The following CNTRL variants were observed in gnomAD, a reference collection of about 807,000 sequenced individuals.
The protein encoded by CNTRL is centriolin.
A neutral mutation model predicts 303.7 loss-of-function variants in CNTRL; 233 were observed. That is an observed-to-expected ratio of 0.77 (90% confidence interval 0.69 to 0.86). The LOEUF (loss-of-function observed/expected upper bound fraction) is 0.86. Ranked by LOEUF, CNTRL falls within the 40% of genes least tolerant of loss-of-function variation. The pLI is 0.00. For missense variants in CNTRL, 2,524 were observed against 2,650.6 expected (o/e 0.95, Z 1.05); for synonymous variants, 900 against 922.2 (o/e 0.98, Z 0.44).
intron 2 of CNTRL, among the ~76,000 whole-genome samples, chr9:121,086,264 G>A (rs2048337797): frequency 6.6e-6 from 1 of 152,172 alleles, no homozygotes; most frequent in Non-Finnish European, 1.5e-5. Flanking sequence ...CTCTCGTGGA[G>A]CATACAGTTC....
chr9:121,107,841 T>C lies in CNTRL; in HGVS notation c.848T>C (p.Met283Thr), dbSNP rs867570634. ...ERLERDLEKK[M>T]IETEELKSKQ... is the part of the protein sequence containing the mutation. ...CTGGAAAGAGACCTAGAAAAAAAGA[T>C]GATAGAAACTGAAGAGCTTAAGAGC... The change falls in exon 8 of 44, where the codon ATG (methionine) becomes ACG (threonine). Residue 283 changes from methionine (M) to threonine (T), a missense_variant. Coordinates refer to ENST00000373855, the MANE Select transcript of CNTRL (RefSeq NM_007018.6). 5 of 1,591,352 alleles carry C rather than the reference T, an allele frequency of 3.1e-6. No individual in the cohort carries two copies. Among genetic ancestry groups the C allele is most frequent in the African/African-American group, 2.7e-5 (2 of 73,292 alleles).
At chr9:121,170,860 C>T (rs549353334) in intron 39 of CNTRL, among the ~76,000 whole-genome samples, 7 of 152,312 alleles carry the variant, frequency 4.6e-5, no homozygotes, top group Non-Finnish European at 1.0e-4. Context: ...CTCAATCTAC[C>T]ATGCTTTCAT....
chr9:121,123,948 A>G lies in CNTRL; in HGVS notation c.1668A>G (p.Gln556=). ...KDPKHSHMKA[Q]KSGKEQQLDI... is the part of the protein sequence containing the mutation. ...TAATTCAGTCCCATATGAAGGCTCA[A>G]AAGAGCGGTAAAGAACAACAGCTTG... The change falls in exon 13 of 44, where the codon CAA becomes CAG. Residue 556 remains glutamine (Q), a synonymous_variant. Coordinates refer to ENST00000373855, the MANE Select transcript of CNTRL (RefSeq NM_007018.6). 1 of 1,600,058 alleles carries G rather than the reference A, an allele frequency of 6.2e-7. No homozygotes were observed. Among genetic ancestry groups the G allele is most frequent in the Non-Finnish European group, 8.5e-7 (1 of 1,175,040 alleles).
intron 8 of CNTRL, among the ~76,000 whole-genome samples, chr9:121,109,845 G>A (rs1459772384): frequency 6.6e-6 from 1 of 152,106 alleles, no homozygotes; most frequent in Non-Finnish European, 1.5e-5. Context: ...TTGTTGGACA[G>A]TTGAGTATTG....
At chr9:121,083,143 A>G (rs1225324499) in intron 2 of CNTRL, among the ~76,000 whole-genome samples, 1 of 152,140 alleles carries the variant, frequency 6.6e-6, no homozygotes, top group Non-Finnish European at 1.5e-5. Flanking sequence ...ACACTACTGT[A>G]GACTTTATAA....
intron 14 of CNTRL, among the ~76,000 whole-genome samples, chr9:121,126,897 C>T (rs1022296462): frequency 6.6e-5 from 10 of 152,028 alleles, no homozygotes; most frequent in Non-Finnish European, 1.0e-4. Context: ...TCTCGGCTCA[C>T]TGCATCCTCC....
At chr9:121,089,639 T>A (rs975952876) in intron 3 of CNTRL, among the ~76,000 whole-genome samples, 15 of 152,196 alleles carry the variant, frequency 9.9e-5, no homozygotes, top group African/African-American at 3.6e-4. Flanking sequence ...AGAATTTCAG[T>A]GTTTCTGAAC....
intron 5 of CNTRL, 124 bp downstream of exon 5, chr9:121,095,142 C>CATTTGATTG: frequency 6.8e-6 from 5 of 740,162 alleles, no homozygotes; most frequent in Non-Finnish European, 1.0e-5. Context: ...TATCTTTATT[C>CATTTGATTG]ATCAATCAAA....
Position 121,154,739 on chromosome 9 carries a change from T to C in CNTRL, c.4191T>C (p.Asn1397=). ...RQQQKDFIDG[N]VESLMTELEI... ...TTTTTAGGGACTTCATTGATGGAAA[T>C]GTTGAGAGTCTTATGACTGAACTAG... The change falls in exon 27 of 44, where the codon AAT becomes AAC. Residue 1397 remains asparagine, a synonymous_variant. Transcript: ENST00000373855. 2.5e-6 allele frequency: 4 copies of C among 1,602,750 alleles called. No individual in the cohort carries two copies. Among genetic ancestry groups the C allele is most frequent in the Non-Finnish European group, 3.4e-6 (4 of 1,170,274 alleles).
intron 7 of CNTRL, among the ~76,000 whole-genome samples, chr9:121,099,120 A>G (rs1168940147): frequency 6.6e-6 from 1 of 152,206 alleles, no homozygotes; most frequent in Non-Finnish European, 1.5e-5. Flanking sequence ...TGCCTCCTCA[A>G]GTGGGTCCCT....
chr9:121,133,392 A>G (rs2050988732), intron 14 of CNTRL, among the ~76,000 whole-genome samples: 1 of 152,224 alleles, frequency 6.6e-6, no homozygotes, highest in African/African-American at 2.4e-5. Flanking sequence ...TCCAAGGTCT[A>G]TCTCAGACTG....
chr9:121,136,654 C>A (rs993410210), intron 15 of CNTRL, among the ~76,000 whole-genome samples: 2 of 152,124 alleles, frequency 1.3e-5, no homozygotes, highest in Admixed American at 1.3e-4. Flanking sequence ...TTGCTGTCTC[C>A]TTTTAGGGTT....
Position 121,125,671 on chromosome 9 carries a change from G to C in CNTRL, c.1805-45G>C, listed in dbSNP as rs747886917. On this transcript the variant is annotated intron_variant, in intron 13 of 43. Transcript: ENST00000373855. ...AACAAAATGCTGAGCAGACAATGCA[G>C]TACTTTAAAAAGATATATTATTACC... 167 of 1,510,834 alleles carry C rather than the reference G, an allele frequency of 1.1e-4. 1 individual carries two copies. The highest frequency in any genetic ancestry group is 1.4e-4 in the Non-Finnish European group (157 of 1,088,288). 93.6% of individuals were successfully genotyped at this position (1,510,834 alleles called of 1,614,324 possible).
chr9:121,087,646 G>T (rs113179388), intron 2 of CNTRL, among the ~76,000 whole-genome samples: 1 of 152,112 alleles, frequency 6.6e-6, no homozygotes, highest in African/African-American at 2.4e-5. Context: ...AGCCGAGATC[G>T]CACCATTGCA....
At chr9:121,142,045 A>C in intron 18 of CNTRL, 46 bp from the exon 19 acceptor site, 1 of 1,472,192 alleles carries the variant, frequency 6.8e-7, no homozygotes, top group Non-Finnish European at 9.1e-7. Flanking sequence ...TTTGCTTAAA[A>C]CATATTTTGC....
chr9:121,085,244 T>C (rs1255432526), intron 2 of CNTRL, among the ~76,000 whole-genome samples: 3 of 152,204 alleles, frequency 2.0e-5, no homozygotes, highest in African/African-American at 7.2e-5. Flanking sequence ...ATTCCCCATG[T>C]GTGGGAGTTA....
chr9:121,109,785 A>G (rs972077539), intron 8 of CNTRL, among the ~76,000 whole-genome samples: 2 of 152,152 alleles, frequency 1.3e-5, no homozygotes, highest in Non-Finnish European at 2.9e-5. Flanking sequence ...TTGAATTTGT[A>G]CATATGGTAG....
rs1439016509 is a variant in CNTRL, at chr9:121,169,618, G to T, written c.6078G>T (p.Gln2026His). Residue 2026 changes from glutamine (Q) to histidine (H), a missense_variant, in exon 39 of 44, where the codon CAG (glutamine) becomes CAT (histidine). Coordinates refer to ENST00000373855, the MANE Select transcript of CNTRL (RefSeq NM_007018.6). ...TGAAAATGCTCATTTCAGAACGGCA[G>T]CTTTCAGAAAGGGAGCAGCAATTGG... is the stretch of plus-strand genomic sequence containing the variant. Reference protein sequence around the residue: ...LEKTLSQTKRQLSEREQQLVE... With the variant: ...LEKTLSQTKRHLSEREQQLVE... 1 of 1,614,152 alleles carries T rather than the reference G, an allele frequency of 6.2e-7. No homozygotes were observed. The highest frequency in any genetic ancestry group is 1.7e-5 in the Admixed American group (1 of 60,022).
At chr9:121,139,306 C>T (rs1189682761) in intron 16 of CNTRL, among the ~76,000 whole-genome samples, 1 of 152,148 alleles carries the variant, frequency 6.6e-6, no homozygotes, top group African/African-American at 2.4e-5. Flanking sequence ...GTACCTGAAT[C>T]ATCACTCAGT....
Sources: allele counts gnomAD v4.1 joint callset (sites outside exome capture counted in the v4.1 genomes callset), GRCh38; gene constraint gnomAD v4.1.1; transcripts MANE v1.5; gene names NCBI Gene and HGNC (gene_info 2026-07-23, HGNC 2026-07-21).